UBA7: variants seen among roughly 807,000 people sequenced by gnomAD.
The protein encoded by UBA7 is ubiquitin like modifier activating enzyme 7.
Under a neutral mutation model 113.0 loss-of-function variants are expected in UBA7, and 88 were observed. That is an observed-to-expected ratio of 0.78 (90% CI 0.66 to 0.93). The LOEUF is 0.93. Among genes scored for constraint, UBA7 ranks in the 40% least tolerant of loss-of-function variants. The pLI is 0.00. For synonymous variants in UBA7, 459 were observed against 513.0 expected (o/e 0.89, Z 1.42); for missense variants, 1,092 against 1,266.4 (o/e 0.86, Z 2.09).
In UBA7 at chr3:49,813,602, C is replaced by T. The variant is rs760163085; in HGVS notation, c.102G>A (p.Arg34=). 3 of 1,614,224 alleles carry T rather than the reference C, an allele frequency of 1.9e-6. No homozygotes were observed. The South Asian group carries it at 3.3e-5, about 18-fold the overall frequency. The part of the protein sequence containing the change: ...SPAMQRIQGA[R]VLVSGLQGLG... The stretch of plus-strand genomic sequence containing the variant: ...GGCCCTGCAGGCCTGACACCAGGAC[C>T]CTGGCTCCCTGAATCCTCTGCATGG... Residue 34 remains arginine (R), a synonymous_variant, in exon 2 of 24, where the codon AGG becomes AGA. Transcript: ENST00000333486.
Position 49,810,051 on chromosome 3 carries a change from G to A in UBA7, c.1766C>T (p.Ala589Val), listed in dbSNP as rs1265395397. Residue 589 changes from alanine to valine, a missense_variant, in exon 14 of 24, where the codon GCA becomes GTA. By Grantham distance (64) the Ala-to-Val change is moderately conservative (BLOSUM62 0). This residue lies in a region of UBA7 where 500 missense variants were observed against 529.3 expected (regional missense o/e 0.94). Coordinates refer to ENST00000333486, the MANE Select transcript of UBA7 (RefSeq NM_003335.3). The surrounding 1 kb of genome is among the most constrained non-coding windows in gnomAD (Gnocchi z 5.6). Reference sequence around the variant, plus strand: ...AGGGTAGGGGGCATCCTCAGAAGCTGCAGCTGAGGCAGGGGCTCTGTAGGC... The same window carrying A: ...AGGGTAGGGGGCATCCTCAGAAGCTACAGCTGAGGCAGGGGCTCTGTAGGC... The part of the protein sequence containing the change: ...TEAYRAPASA[A>V]ASEDAPYPVC... The A allele has an allele frequency of 6.2e-7, 1 of 1,613,572 alleles. No individual in the cohort carries two copies. Among genetic ancestry groups the A allele is most frequent in the African/African-American group, 1.3e-5 (1 of 74,928 alleles).
Position 49,810,861 on chromosome 3 carries a change from G to C in UBA7, c.1231-29C>G. 1 of 1,612,656 alleles carries C rather than the reference G, an allele frequency of 6.2e-7. No homozygotes were observed. Among genetic ancestry groups the C allele is most frequent in the Non-Finnish European group, 8.5e-7 (1 of 1,178,686 alleles). On this transcript the variant is annotated intron_variant, in intron 10 of 23. Transcript: ENST00000333486. This position sits in a 1 kb window ranked among gnomAD's most constrained non-coding sequence, Gnocchi z 5.6. ...GGGGACAGAGACGGGGTCAGTGATG[G>C]CTACTGGCCTGCATCTCCTTCTTAT...
chr3:49,812,618 G>A (rs755740388), intron 5 of UBA7, 30 bp downstream of exon 5: 5 of 1,614,204 alleles, frequency 3.1e-6, no homozygotes, highest in Non-Finnish European at 4.2e-6. Context: ...TCCTTGGTCA[G>A]CAGGTGAATG....
Position 49,813,510 on chromosome 3 carries a change from T to A in UBA7, c.194A>T (p.His65Leu). Residue 65 changes from histidine to leucine, a missense_variant, in exon 2 of 24, where the codon CAC becomes CTC. This residue lies in a region of UBA7 where 584 missense variants were observed against 714.5 expected (regional missense o/e 0.82). Transcript: ENST00000333486. Reference sequence around the variant, plus strand: ...AGCCAGGTCGGACCAGCAGGTGGGGTGGGGATCATGCAGAGTGAGGCTGCC... The same window carrying A: ...AGCCAGGTCGGACCAGCAGGTGGGGAGGGGATCATGCAGAGTGAGGCTGCC... Reference protein sequence around the residue: ...GVGSLTLHDPHPTCWSDLAAQ... With the variant: ...GVGSLTLHDPLPTCWSDLAAQ... 6.2e-7 allele frequency: 1 copy of A among 1,613,676 alleles called. No individual in the cohort carries two copies. Among genetic ancestry groups the A allele is most frequent in the Non-Finnish European group, 8.5e-7 (1 of 1,179,958 alleles).
intron 5 of UBA7, 52 bp downstream of exon 5, chr3:49,812,596 C>T (rs1236079018): frequency 2.4e-5 from 39 of 1,613,976 alleles, no homozygotes; most frequent in Admixed American, 6.7e-5. Context: ...TTCCACAGGC[C>T]CTGGCAGCCT....
In UBA7 at chr3:49,809,554, G is replaced by A; in HGVS notation, c.2076C>T (p.Phe692=). ...CCTAGCCACACACTTTATTAGGTGG[G>A]AAGTGCCTCAGCAGCTGTTTGATGC... ...HYGIKQLLRH[F]PPNKVLEDGT... is the part of the protein sequence containing the mutation. Residue 692 remains phenylalanine (F), a synonymous_variant, in exon 16 of 24, where the codon TTC becomes TTT. Coordinates refer to ENST00000333486, the MANE Select transcript of UBA7 (RefSeq NM_003335.3). 1 of 1,614,154 alleles carries A rather than the reference G, an allele frequency of 6.2e-7. No individual in the cohort carries two copies. Among genetic ancestry groups the A allele is most frequent in the East Asian group, 2.2e-5 (1 of 44,886 alleles).
Position 49,809,664 on chromosome 3 carries a change from G to C in UBA7, c.1966C>G (p.Leu656Val). ...TGTGGACGCACTCTCAGGACCCCAA[G>C]CACTGGCTTCAGTAAGGTGAGTGTC... Reference protein sequence around the residue: ...PQTLTLLKPVLGVLRVRPQNW... With the variant: ...PQTLTLLKPVVGVLRVRPQNW... Residue 656 changes from leucine (L) to valine (V), a missense_variant, in exon 16 of 24, where the codon CTT (leucine) becomes GTT (valine). Physicochemically the swap from Leu to Val is conservative, Grantham distance 32 (BLOSUM62 1). Transcript: ENST00000333486. The C allele has an allele frequency of 6.2e-7, 1 of 1,614,110 alleles. No homozygotes were observed. The highest frequency in any genetic ancestry group is 1.7e-5 in the Admixed American group (1 of 60,012).
Position 49,807,658 on chromosome 3 carries a change from C to G in UBA7, c.2715+78G>C. ...TCTGAGTTTCAGTGAGAGCCGGCAG[C>G]TAGATTGGGGCCTGTATGGGCAGGT... is the stretch of plus-strand genomic sequence containing the variant. On this transcript the variant is annotated intron_variant, in intron 21 of 23. Transcript: ENST00000333486. This position sits in a 1 kb window ranked among gnomAD's most constrained non-coding sequence, Gnocchi z 4.0. 1 of 1,493,810 alleles carries G rather than the reference C, an allele frequency of 6.7e-7. No individual in the cohort carries two copies. The highest frequency in any genetic ancestry group is 9.0e-7 in the Non-Finnish European group (1 of 1,115,348). 92.5% of individuals were successfully genotyped at this position (1,493,810 alleles called of 1,614,324 possible). A position where few individuals can be genotyped will look rare whatever the true frequency, so the allele number is the denominator to read the frequency against.
rs373286705 is a variant in UBA7, at chr3:49,808,075, G to A, written c.2468C>T (p.Ala823Val). The A allele has an allele frequency of 2.5e-4, 399 of 1,613,984 alleles. No homozygotes were observed. The highest frequency in any genetic ancestry group is 3.3e-4 in the Non-Finnish European group (394 of 1,180,010). ...DSNFHVDFVV[A>V]AASLRCQNYG... ...GTTCTGACATCTCAGGCTAGCTGCCGCTACCACAAAGTCCACATGGAAGTT... is the reference window on the plus strand; with the variant it reads ...GTTCTGACATCTCAGGCTAGCTGCCACTACCACAAAGTCCACATGGAAGTT... The change falls in exon 20 of 24, where the codon GCG becomes GTG. Residue 823 changes from alanine (A) to valine (V), a missense_variant. By Grantham distance (64) the Ala-to-Val change is moderately conservative. Coordinates refer to ENST00000333486, the MANE Select transcript of UBA7 (RefSeq NM_003335.3).
intron 2 of UBA7, 22 bp downstream of exon 2, chr3:49,813,457 C>A: frequency 6.2e-7 from 1 of 1,610,442 alleles, no homozygotes. Context: ...TCTGGCAGCC[C>A]ATAGCCCCCC....
At chr3:49,806,206 C>T (rs1041705748) in intron 21 of UBA7, 41 bp from the exon 22 acceptor site, 2 of 1,503,090 alleles carry the variant, frequency 1.3e-6, no homozygotes, top group Non-Finnish European at 9.0e-7. Flanking sequence ...TTCTTACCTC[C>T]CCCCAACCCC....
intron 6 of UBA7, 99 bp downstream of exon 6, chr3:49,812,309 G>A: frequency 6.2e-7 from 1 of 1,608,226 alleles, no homozygotes; most frequent in Non-Finnish European, 8.5e-7. Context: ...GCACCTTGTA[G>A]AAGGTGGAGG....
chr3:49,812,973 A>G lies in UBA7; in HGVS notation c.467+89T>C, dbSNP rs1265166616. The G allele has an allele frequency of 2.8e-6, 4 of 1,447,818 alleles. No homozygotes were observed. The African/African-American group carries it at 4.2e-5, about 15-fold the overall frequency. The allele number at this position is 1,447,818 out of a possible 1,614,324, so 89.7% of individuals were successfully genotyped here. ...CTGGGATAGACCTGAGGCTGGTTGG[A>G]GGGGCACTGGAGCAAGCCTGGAGCT... On this transcript the variant is annotated intron_variant, in intron 4 of 23. Coordinates refer to ENST00000333486, the MANE Select transcript of UBA7 (RefSeq NM_003335.3).
In UBA7 at chr3:49,808,404, C is replaced by A. The variant is rs1172942119; in HGVS notation, c.2412G>T (p.Lys804Asn). The A allele has an allele frequency of 4.3e-6, 7 of 1,614,118 alleles. No homozygotes were observed. The highest frequency in any genetic ancestry group is 4.0e-5 in the African/African-American group (3 of 74,938). The change falls in exon 19 of 24, where the codon AAG (lysine) becomes AAT (asparagine). Residue 804 changes from lysine to asparagine, a missense_variant. Transcript: ENST00000333486. The part of the protein sequence containing the change: ...LEVWSVGPPL[K>N]PLMFEKDDDS... ...CACCCACCTTCTCAAACATCAGAGG[C>A]TTCAGGGGAGGGCCCACACTCCAGA...
intron 8 of UBA7, 98 bp from the exon 9 acceptor site, chr3:49,811,553 G>A (rs767245301): frequency 1.0e-5 from 15 of 1,491,184 alleles, no homozygotes; most frequent in Admixed American, 4.2e-5. Context: ...TTCCACAGAA[G>A]AGGAAGCAGA....
chr3:49,810,640 G>A lies in UBA7; in HGVS notation c.1344C>T (p.Leu448=). ...CCAGTCCCACTAGGGCAAAGACTTT[G>A]AGCAGCTCACAACCAATGGCACCAG... is the stretch of plus-strand genomic sequence containing the variant. ...VGAGAIGCEL[L]KVFALVGLGA... Residue 448 remains leucine (L), a synonymous_variant, in exon 12 of 24, where the codon CTC becomes CTT. Transcript: ENST00000333486. The surrounding 1 kb of genome is among the most constrained non-coding windows in gnomAD (Gnocchi z 5.6). The A allele has an allele frequency of 6.2e-7, 1 of 1,614,108 alleles. No homozygotes were observed. Among genetic ancestry groups the A allele is most frequent in the Non-Finnish European group, 8.5e-7 (1 of 1,179,998 alleles).
At chr3:49,813,692 G>C in intron 1 of UBA7, 40 bp downstream of exon 1, 1 of 1,614,194 alleles carries the variant, frequency 6.2e-7, no homozygotes, top group Non-Finnish European at 8.5e-7. Context: ...ATCAAGGTCT[G>C]AAGACCATCC....
At position 49,807,763 on chromosome 3, in the gene UBA7, A is replaced by G. The variant is rs768905524; in HGVS notation, c.2688T>C (p.Tyr896=). Residue 896 remains tyrosine, a synonymous_variant, in exon 21 of 24, where the codon TAT becomes TAC. Transcript: ENST00000333486. The surrounding 1 kb of genome is among the most constrained non-coding windows in gnomAD (Gnocchi z 4.0). ...LHLAENYLIR[Y]MPFAPAIQTF... ...TCTGGATGGCTGGGGCAAAAGGCATATAGCGGATGAGGTAGTTTTCAGCCA... is the reference window on the plus strand; with the variant it reads ...TCTGGATGGCTGGGGCAAAAGGCATGTAGCGGATGAGGTAGTTTTCAGCCA... 1.2e-6 allele frequency: 2 copies of G among 1,612,538 alleles called. No individual in the cohort carries two copies. The highest frequency in any genetic ancestry group is 1.1e-5 in the South Asian group (1 of 90,758).
rs551916629 is a variant in UBA7, at chr3:49,809,677, T to A, written c.1953A>T (p.Leu651Phe). The A allele has an allele frequency of 1.2e-5, 19 of 1,614,080 alleles. No homozygotes were observed. The African/African-American group carries it at 2.5e-4, about 22-fold the overall frequency. ...ADMDEPQTLT[L>F]LKPVLGVLRV... ...TCAGGACCCCAAGCACTGGCTTCAG[T>A]AAGGTGAGTGTCTGTGGCTCATCCA... The change falls in exon 16 of 24, where the codon TTA becomes TTT. Residue 651 changes from leucine (L) to phenylalanine (F), a missense_variant. Transcript: ENST00000333486.
Sources: allele counts gnomAD v4.1 joint callset, GRCh38; gene constraint gnomAD v4.1.1; regional missense constraint gnomAD v4.1.1; non-coding constraint Gnocchi (gnomAD v3.1); transcripts MANE v1.5; gene names NCBI Gene and HGNC (gene_info 2026-07-23, HGNC 2026-07-21).